PDLIM4: variants seen among roughly 807,000 people sequenced by gnomAD.
PDLIM4 encodes PDZ and LIM domain protein 4.
A neutral mutation model predicts 31.3 loss-of-function variants in PDLIM4; 19 were observed. The ratio of observed to expected loss-of-function variants is 0.61; its 90% CI spans 0.42 to 0.89. The LOEUF (loss-of-function observed/expected upper bound fraction) is 0.89. Ranked by LOEUF, PDLIM4 falls within the 40% of genes least tolerant of loss-of-function variation. PDLIM4 has a pLI of 0.00. For missense variants in PDLIM4, 442 were observed against 461.1 expected (o/e 0.96, Z 0.38); for synonymous variants, 176 against 190.1 (o/e 0.93, Z 0.61).
intron 3 of PDLIM4, among the ~76,000 whole-genome samples, chr5:132,269,068 A>G (rs921720255): frequency 6.6e-6 from 1 of 152,078 alleles, no homozygotes; most frequent in African/African-American, 2.4e-5. Context: ...TCCCCAGCTC[A>G]TAGATAAAGA....
At chr5:132,263,397 G>C (rs1756418699) in intron 2 of PDLIM4, among the ~76,000 whole-genome samples, 1 of 152,108 alleles carries the variant, frequency 6.6e-6, no homozygotes, top group South Asian at 2.1e-4. Context: ...TTTGGGAAAA[G>C]TTCCCACTAA....
chr5:132,261,830 TG>T (rs1272604195), intron 1 of PDLIM4, among the ~76,000 whole-genome samples: 1 of 152,164 alleles, frequency 6.6e-6, no homozygotes, highest in African/African-American at 2.4e-5. Flanking sequence ...TGGATGGCCC[TG>T]GACTTGCTCA....
At chr5:132,266,260 G>A (rs890142186) in intron 2 of PDLIM4, among the ~76,000 whole-genome samples, 1 of 152,204 alleles carries the variant, frequency 6.6e-6, no homozygotes, top group Admixed American at 6.5e-5. Flanking sequence ...GGGGACAGAA[G>A]CATATAGCCC....
intron 2 of PDLIM4, among the ~76,000 whole-genome samples, chr5:132,265,918 C>A (rs79788618): frequency 0.018 from 2,681 of 152,256 alleles, 72 homozygotes; most frequent in African/African-American, 0.062. Context: ...TTCCTAATGG[C>A]CTGTTTCCCA....
intron 1 of PDLIM4, among the ~76,000 whole-genome samples, chr5:132,260,740 G>A (rs185088774): frequency 5.3e-5 from 8 of 152,294 alleles, no homozygotes; most frequent in South Asian, 4.1e-4. Context: ...CTGGACCTCC[G>A]TTTCCTGATC....
chr5:132,260,739 C>T (rs7731184), intron 1 of PDLIM4, among the ~76,000 whole-genome samples: 2,359 of 152,324 alleles, frequency 0.015, 66 homozygotes, highest in African/African-American at 0.054. Flanking sequence ...TCTGGACCTC[C>T]GTTTCCTGAT....
chr5:132,257,953 C>G lies in PDLIM4; in HGVS notation c.93+126C>G. 1.9e-6 allele frequency: 1 copy of G among 514,478 alleles called. No individual in the cohort carries two copies. Among genetic ancestry groups the G allele is most frequent in the Non-Finnish European group, 3.2e-6 (1 of 309,446 alleles). 31.9% of individuals were successfully genotyped at this position (514,478 alleles called of 1,614,324 possible). ...AGGCGGAGGGTTGGCCTGGGCGCCC[C>G]GCATGCTGTAGAGGCGGCTTCCAGG... On this transcript the variant is annotated intron_variant, in intron 1 of 6. Transcript: ENST00000253754. The surrounding 1 kb of genome is among the most constrained non-coding windows in gnomAD (Gnocchi z 4.3).
chr5:132,260,390 T>C (rs1756346801), intron 1 of PDLIM4, among the ~76,000 whole-genome samples: 1 of 152,152 alleles, frequency 6.6e-6, no homozygotes, highest in Admixed American at 6.5e-5. Context: ...CCCTCCATGG[T>C]TCCCAGCCAC....
chr5:132,258,885 C>T (rs933870555), intron 1 of PDLIM4, among the ~76,000 whole-genome samples: 7 of 152,226 alleles, frequency 4.6e-5, no homozygotes, highest in Admixed American at 3.9e-4. Flanking sequence ...CCTACTGCCA[C>T]CTCTTGCCAT....
Position 132,272,603 on chromosome 5 carries a change from C to T in PDLIM4, c.*374C>T, listed in dbSNP as rs138899887. 1.2e-5 allele frequency: 4 copies of T among 321,258 alleles called. No individual in the cohort carries two copies. The highest frequency in any genetic ancestry group is 2.1e-5 in the African/African-American group (1 of 46,946). 19.9% of individuals were successfully genotyped at this position (321,258 alleles called of 1,614,324 possible). On this transcript the variant is annotated 3_prime_UTR_variant, in exon 7 of 7. Coordinates refer to ENST00000253754, the MANE Select transcript of PDLIM4 (RefSeq NM_003687.4). ...TGGGTGGGGTCAGGGAAAGTCTTAG[C>T]TGAGAACTAAGAGATGAGGGAGGCA...
Position 132,272,345 on chromosome 5 carries a change from C to A in PDLIM4, c.*116C>A. On this transcript the variant is annotated 3_prime_UTR_variant, in exon 7 of 7. Transcript: ENST00000253754. ...GCTCCACCTTGAACCTGTCACCTGG[C>A]CTGCCACCCTCCTGCGCAGGCCATG... 2 of 837,462 alleles carry A rather than the reference C, an allele frequency of 2.4e-6. No homozygotes were observed. The highest frequency in any genetic ancestry group is 3.9e-6 in the Non-Finnish European group (2 of 514,494). The allele number at this position is 837,462 out of a possible 1,614,324, so 51.9% of individuals were successfully genotyped here.
At position 132,271,732 on chromosome 5, in the gene PDLIM4, G is replaced by T. The variant is rs756287943; in HGVS notation, c.671-59G>T. ...CGTCTGGCGCCCAACCAAACACCCC[G>T]CAGAAATGGAGTTCTGACCTCCTCA... On this transcript the variant is annotated intron_variant, in intron 5 of 6. Transcript: ENST00000253754. The T allele has an allele frequency of 4.8e-6, 6 of 1,240,956 alleles. No individual in the cohort carries two copies. The South Asian group carries it at 7.2e-5, about 15-fold the overall frequency. The allele number at this position is 1,240,956 out of a possible 1,614,324, so 76.9% of individuals were successfully genotyped here.
intron 4 of PDLIM4, 62 bp from the exon 5 acceptor site, chr5:132,271,241 A>G (rs2126680286): frequency 6.5e-7 from 1 of 1,538,486 alleles, no homozygotes; most frequent in Non-Finnish European, 8.8e-7. Flanking sequence ...ACCAGACCCC[A>G]AGTCCACAGG....
Position 132,257,823 on chromosome 5 carries a change from C to A in PDLIM4, c.89C>A (p.Ser30Ter). ...GACTTCAGCGCGCCCCTCACCATCT[C>A]ACGGGTGAGTCTGGCGGCTGCGTGG... ...GRDFSAPLTI[S>*]RVHAGSKAAL... Residue 30 changes from serine (S) to a stop codon, truncating the protein, a stop_gained, in exon 1 of 7, where the codon TCA becomes TAA. Coordinates refer to ENST00000253754, the MANE Select transcript of PDLIM4 (RefSeq NM_003687.4). LOFTEE classifies it high-confidence loss of function. The surrounding 1 kb of genome is among the most constrained non-coding windows in gnomAD (Gnocchi z 4.3). 1 of 1,489,996 alleles carries A rather than the reference C, an allele frequency of 6.7e-7. No homozygotes were observed. The highest frequency in any genetic ancestry group is 1.2e-5 in the South Asian group (1 of 80,386). The allele number at this position is 1,489,996 out of a possible 1,614,324, so 92.3% of individuals were successfully genotyped here.
chr5:132,271,685 C>A, intron 5 of PDLIM4, 106 bp from the exon 6 acceptor site: 1 of 1,003,482 alleles, frequency 1.0e-6, no homozygotes, highest in East Asian at 2.4e-5. Context: ...AACCCGTTCC[C>A]CAGTCTCGGG....
chr5:132,263,083 T>C (rs560581544), intron 2 of PDLIM4, among the ~76,000 whole-genome samples: 47 of 152,236 alleles, frequency 3.1e-4, no homozygotes, highest in South Asian at 1.9e-3. Context: ...CTCCCCTGAG[T>C]GACCAGCTTG....
rs79050793 is a variant in PDLIM4, at chr5:132,267,022, A to G, written c.327+477A>G. Among the ~76,000 whole-genome samples the G allele has an allele frequency of 1.1e-3, 165 of 152,346 alleles. 1 individual carries two copies. The highest frequency in any genetic ancestry group is 3.8e-3 in the African/African-American group (160 of 41,582). On this transcript the variant is annotated intron_variant, in intron 3 of 6. Coordinates refer to ENST00000253754, the MANE Select transcript of PDLIM4 (RefSeq NM_003687.4). ...TCCTGTGGTGCTTCTAGCAGAACTT[A>G]GGCTGCAGGCCTGTCTGCCCAGTCA...
chr5:132,271,112 C>T lies in PDLIM4; in HGVS notation c.506+19C>T, dbSNP rs1283973515. On this transcript the variant is annotated intron_variant, in intron 4 of 6. Transcript: ENST00000253754. ...CCCCCAGGTAGCACAGAGATGCCTT[C>T]GGTGCCATGCCCAGAACCCATCTTA... 3 of 1,609,204 alleles carry T rather than the reference C, an allele frequency of 1.9e-6. No homozygotes were observed. Among genetic ancestry groups the T allele is most frequent in the Admixed American group, 1.7e-5 (1 of 59,906 alleles).
chr5:132,266,374 C>A, intron 2 of PDLIM4, 90 bp from the exon 3 acceptor site: 1 of 805,602 alleles, frequency 1.2e-6, no homozygotes, highest in Non-Finnish European at 2.1e-6. Context: ...CTGCAGGGCA[C>A]AGCCCAGAGC....
Sources: gnomAD v4.1 joint callset for allele counts (sites outside exome capture counted in the v4.1 genomes callset) on GRCh38, gnomAD v4.1.1 for gene constraint, Gnocchi (gnomAD v3.1) non-coding constraint, MANE v1.5 for transcripts, NCBI Gene and HGNC (gene_info 2026-07-23, HGNC 2026-07-21) for gene names.